Variants in TSNARE1 observed in about 807,000 individuals in gnomAD.
The protein encoded by TSNARE1 is t-SNARE domain-containing protein 1.
TSNARE1 carries 49 observed loss-of-function variants against 62.0 expected under a neutral mutation model. The ratio of observed to expected loss-of-function variants is 0.79; its 90% CI spans 0.63 to 1.00. The LOEUF (loss-of-function observed/expected upper bound fraction) is 1.00. TSNARE1 is among the 50% of genes least tolerant of loss of function. The pLI, the probability that TSNARE1 is intolerant of heterozygous loss-of-function variation, is 0.00. For synonymous variants in TSNARE1, 328 were observed against 294.4 expected, an observed-to-expected ratio of 1.11 and a Z score of -1.17; for missense variants, 755 against 700.1, an observed-to-expected ratio of 1.08 and a Z score of -0.88.
chr8:142,311,290 GTTTTTTT>G (rs58755110), intron 9 of TSNARE1, among the ~76,000 whole-genome samples: 21 of 57,350 alleles, frequency 3.7e-4, no homozygotes, highest in African/African-American at 1.4e-3. Context: ...AGCCTCTCTA[GTTTTTTT>G]TTTTTTTTTT....
chr8:142,214,211 G>A (rs1013220001), intron 13 of TSNARE1, among the ~76,000 whole-genome samples: 19 of 152,138 alleles, frequency 1.2e-4, no homozygotes, highest in African/African-American at 3.6e-4. Flanking sequence ...GAGGATGGGC[G>A]GCCACTGCAG....
intron 12 of TSNARE1, chr8:142,273,354 C>A: frequency 1.0e-6 from 1 of 985,398 alleles, no homozygotes; most frequent in Non-Finnish European, 1.2e-6. Flanking sequence ...GAGTTTCCAG[C>A]GAGTCCACCT....
intron 12 of TSNARE1, among the ~76,000 whole-genome samples, chr8:142,255,330 T>C (rs564577357): frequency 2.1e-4 from 32 of 149,176 alleles, no homozygotes; most frequent in African/African-American, 6.5e-4. Context: ...CACATCATTA[T>C]CACCACCATC....
At chr8:142,289,564 C>A (rs1346409688) in intron 10 of TSNARE1, among the ~76,000 whole-genome samples, 1 of 152,190 alleles carries the variant, frequency 6.6e-6, no homozygotes, top group East Asian at 1.9e-4. Flanking sequence ...AGGCTACGAA[C>A]ACACCACTGT....
intron 12 of TSNARE1, chr8:142,270,370 C>T: frequency 1.0e-6 from 1 of 985,444 alleles, no homozygotes; most frequent in Non-Finnish European, 1.2e-6. Context: ...AGCAGCCGCA[C>T]TGCTGCCTGC....
chr8:142,227,289 A>G (rs1816865507), intron 13 of TSNARE1, among the ~76,000 whole-genome samples: 1 of 141,700 alleles, frequency 7.1e-6, no homozygotes, highest in East Asian at 2.1e-4. Context: ...CCCACACAAC[A>G]GTGACAGCCA....
At chr8:142,259,530 C>G (rs1818751195) in intron 12 of TSNARE1, among the ~76,000 whole-genome samples, 1 of 152,178 alleles carries the variant, frequency 6.6e-6, no homozygotes, top group Non-Finnish European at 1.5e-5. Context: ...ACAATCTGAT[C>G]ACGAAAATGA....
intron 12 of TSNARE1, among the ~76,000 whole-genome samples, chr8:142,230,601 G>A (rs1817055615): frequency 6.6e-6 from 1 of 152,122 alleles, no homozygotes; most frequent in Non-Finnish European, 1.5e-5. Context: ...GTAGAGAAGG[G>A]AGGGTAAGAT....
intron 1 of TSNARE1, among the ~76,000 whole-genome samples, chr8:142,358,781 C>A (rs1005892056): frequency 1.3e-5 from 2 of 151,446 alleles, no homozygotes; most frequent in African/African-American, 4.8e-5. Context: ...GTGGGTGCAA[C>A]CCCCCCATCG....
chr8:142,392,016 T>C (rs945641678), intron 1 of TSNARE1, among the ~76,000 whole-genome samples: 8 of 152,226 alleles, frequency 5.3e-5, no homozygotes, highest in African/African-American at 2.4e-5. Flanking sequence ...TGAGGCTGTT[T>C]TGCAGTTCAT....
chr8:142,320,151 C>T (rs1829264450), intron 6 of TSNARE1, among the ~76,000 whole-genome samples: 1 of 152,214 alleles, frequency 6.6e-6, no homozygotes, highest in African/African-American at 2.4e-5. Flanking sequence ...CCACTCACCA[C>T]TGCATCCCCT....
rs780459202 is a variant in TSNARE1 at position 142,345,863 on chromosome 8, T to C, written c.118A>G (p.Ile40Val). ...GGCGACGGGCAGGGGAAATGGCGGA[T>C]TCCATACTCGGTCCAACATCTAGCG... ...ECARCWTEYGIRHFPCPSPES... is the reference protein window; with the variant it reads ...ECARCWTEYGVRHFPCPSPES... The change falls in exon 3 of 14, where the codon ATC becomes GTC. Residue 40 changes from isoleucine to valine, a missense_variant. By Grantham distance (29) the Ile-to-Val change is conservative (BLOSUM62 3). Coordinates refer to ENST00000524325, the MANE Select transcript of TSNARE1 (RefSeq NM_145003.5). 6.2e-7 allele frequency: 1 copy of C among 1,613,930 alleles called. No individual in the cohort carries two copies. The highest frequency in any genetic ancestry group is 1.1e-5 in the South Asian group (1 of 91,056).
rs112594268 is a variant in TSNARE1 at position 142,333,771 on chromosome 8, C to T, written c.746-1940G>A. 5.3e-3 allele frequency among the ~76,000 whole-genome samples: 808 copies of T among 152,332 alleles called. 9 individuals are homozygous for T. Among genetic ancestry groups the T allele is most frequent in the African/African-American group, 0.019 (788 of 41,586 alleles). On this transcript the variant is annotated intron_variant, in intron 4 of 13. Transcript: ENST00000524325. ...TTTCCGTCCAGCTACCTCCACCTTG[C>T]CCCAGTCCCAGGCCTCCCGGTCCAG...
At chr8:142,273,901 C>T in intron 12 of TSNARE1, 3 of 985,286 alleles carry the variant, frequency 3.0e-6, no homozygotes, top group Non-Finnish European at 3.6e-6. Context: ...TCTCGTCACA[C>T]CTGCCTGTGA....
At chr8:142,380,279 C>G (rs1836641091) in intron 1 of TSNARE1, among the ~76,000 whole-genome samples, 1 of 152,204 alleles carries the variant, frequency 6.6e-6, no homozygotes, top group Admixed American at 6.5e-5. Context: ...CAGATGGATG[C>G]AGAGCCCGGG....
chr8:142,300,763 G>GGACGATCAGGGTCTGAGGC, intron 9 of TSNARE1, 119 bp from the exon 10 acceptor site: 1 of 1,212,112 alleles, frequency 8.3e-7, no homozygotes, highest in Non-Finnish European at 1.1e-6. Context: ...CTCTCTGAGG[G>GGACGATCAGGGTCTGAGGC]GACGATCTGG....
intron 1 of TSNARE1, among the ~76,000 whole-genome samples, chr8:142,376,727 C>T (rs897254345): frequency 6.6e-5 from 10 of 152,198 alleles, no homozygotes; most frequent in African/African-American, 2.4e-4. Context: ...AGAGCCCACC[C>T]AGACACGGGA....
At chr8:142,237,474 G>C (rs1454071884) in intron 12 of TSNARE1, among the ~76,000 whole-genome samples, 2 of 152,220 alleles carry the variant, frequency 1.3e-5, no homozygotes, top group Admixed American at 1.3e-4. Context: ...GCACAAAGGG[G>C]CCCCCGTGAG....
intron 9 of TSNARE1, among the ~76,000 whole-genome samples, chr8:142,302,902 G>A (rs1461051038): frequency 1.3e-5 from 2 of 152,190 alleles, no homozygotes; most frequent in Non-Finnish European, 2.9e-5. Context: ...AGAGCAGCTG[G>A]CCATGCAGGC....
Sources: allele counts gnomAD v4.1 joint callset (sites outside exome capture counted in the v4.1 genomes callset), GRCh38; gene constraint gnomAD v4.1.1; transcripts MANE v1.5; gene names NCBI Gene and HGNC (gene_info 2026-07-23, HGNC 2026-07-21).